The following WWOX variants were observed in gnomAD, a reference collection of about 807,000 sequenced individuals.
WWOX encodes the protein WW domain containing oxidoreductase, also known as WW domain-containing oxidoreductase.
A neutral mutation model predicts 46.2 loss-of-function variants in WWOX; 69 were observed. That is an observed-to-expected ratio of 1.49 (90% CI 1.23 to 1.82). The LOEUF (loss-of-function observed/expected upper bound fraction) is 1.82. Ranked by LOEUF, WWOX falls within the 40% of genes most tolerant of loss-of-function variation. The probability of loss-of-function intolerance (pLI) is 0.00; values close to 1 mark genes in which losing one functional copy is unlikely to be tolerated. For synonymous variants in WWOX, 359 were observed against 202.6 expected (o/e 1.77, Z -6.56); for missense variants, 919 against 542.6 (o/e 1.69, Z -6.89).
At chr16:78,737,035 A>G (rs1047895189) in intron 8 of WWOX, among the ~76,000 whole-genome samples, 4 of 151,972 alleles carry the variant, frequency 2.6e-5, no homozygotes, top group African/African-American at 4.8e-5. Flanking sequence ...AAATAATTAC[A>G]TTTAGTGGGT....
chr16:78,990,452 G>A lies in WWOX; in HGVS notation c.1057-221156G>A, dbSNP rs575289837. Among the ~76,000 whole-genome samples the A allele has an allele frequency of 4.6e-5, 7 of 152,208 alleles. No homozygotes were observed. The East Asian group carries it at 1.2e-3, about 25-fold the overall frequency. On this transcript the variant is annotated intron_variant, in intron 8 of 8. Coordinates refer to ENST00000566780, the MANE Select transcript of WWOX (RefSeq NM_016373.4). ...TAGCTTCAGTGGATTTCCAGAGTCC[G>A]GAGCTACTAAAGGTCAACAGCTGTG...
chr16:79,149,745 C>T (rs1470460865), intron 8 of WWOX, among the ~76,000 whole-genome samples: 4 of 152,224 alleles, frequency 2.6e-5, no homozygotes, highest in African/African-American at 4.8e-5. Context: ...CAGTGGGTTA[C>T]AGCAGGAGAC....
intron 8 of WWOX, among the ~76,000 whole-genome samples, chr16:78,662,314 G>T (rs895564194): frequency 2.6e-5 from 4 of 152,116 alleles, no homozygotes; most frequent in African/African-American, 9.7e-5. Context: ...TGAGAGTGTT[G>T]GTCAGCATTT....
intron 8 of WWOX, among the ~76,000 whole-genome samples, chr16:79,002,512 C>G (rs190744737): frequency 1.3e-5 from 2 of 152,100 alleles, no homozygotes; most frequent in Non-Finnish European, 2.9e-5. Context: ...TGTGAGCCAC[C>G]GCACCCGGCC....
At chr16:78,722,449 A>C (rs1181048761) in intron 8 of WWOX, among the ~76,000 whole-genome samples, 1 of 152,188 alleles carries the variant, frequency 6.6e-6, no homozygotes, top group Non-Finnish European at 1.5e-5. Context: ...GTTGTCAAGT[A>C]CTTGGCATAG....
chr16:78,321,506 G>C (rs189561768), intron 5 of WWOX, among the ~76,000 whole-genome samples: 5 of 151,482 alleles, frequency 3.3e-5, no homozygotes, highest in Non-Finnish European at 7.4e-5. Flanking sequence ...ACTTGGAGTG[G>C]ATTCGTAGTC....
Position 78,593,192 on chromosome 16 carries a change from G to A in WWOX, c.1056+160440G>A, listed in dbSNP as rs527801996. ...TGGAGTGTATCCTGATTCTTTTGAGGATCACTTGATCCTGATTTTTTTTTT... is the reference window on the plus strand; with the variant it reads ...TGGAGTGTATCCTGATTCTTTTGAGAATCACTTGATCCTGATTTTTTTTTT... On this transcript the variant is annotated intron_variant, in intron 8 of 8. Transcript: ENST00000566780. Among the ~76,000 whole-genome samples, 772 of 144,900 alleles carry A rather than the reference G, an allele frequency of 5.3e-3. 1 individual carries two copies. The highest frequency in any genetic ancestry group is 0.011 in the Middle Eastern group (3 of 276).
chr16:78,434,279 G>A (rs56063633), intron 8 of WWOX, among the ~76,000 whole-genome samples: 2 of 152,160 alleles, frequency 1.3e-5, no homozygotes, highest in African/African-American at 4.8e-5. Context: ...CCATGCCGCA[G>A]GGTGGGATTG....
intron 8 of WWOX, among the ~76,000 whole-genome samples, chr16:79,008,470 A>C (rs886154703): frequency 4.6e-5 from 7 of 152,154 alleles, no homozygotes; most frequent in African/African-American, 1.7e-4. Flanking sequence ...TTATCCCATC[A>C]TATTCACAGT....
chr16:78,278,500 T>A (rs2079618278), intron 5 of WWOX: 4 of 1,188,076 alleles, frequency 3.4e-6, no homozygotes, highest in Admixed American at 5.0e-5. Context: ...TTGAATTTGT[T>A]AATTAATTAG....
intron 8 of WWOX, among the ~76,000 whole-genome samples, chr16:78,919,689 T>G (rs1390962836): frequency 1.3e-5 from 2 of 151,912 alleles, no homozygotes; most frequent in Non-Finnish European, 2.9e-5. Flanking sequence ...GGCTAATTTT[T>G]GTATTTTTAG....
chr16:78,774,352 G>C (rs986569049), intron 8 of WWOX, among the ~76,000 whole-genome samples: 2 of 152,158 alleles, frequency 1.3e-5, no homozygotes, highest in African/African-American at 4.8e-5. Flanking sequence ...AGTGAGCCGA[G>C]ATCGCGCCAC....
chr16:79,073,465 C>T (rs1031973049), intron 8 of WWOX, among the ~76,000 whole-genome samples: 1 of 152,106 alleles, frequency 6.6e-6, no homozygotes, highest in Non-Finnish European at 1.5e-5. Context: ...CAAGCATGAG[C>T]CACCGCGCCT....
chr16:78,293,802 C>G, intron 5 of WWOX, among the ~76,000 whole-genome samples: 1 of 151,762 alleles, frequency 6.6e-6, no homozygotes, highest in South Asian at 2.1e-4. Flanking sequence ...ATGGTGAAAC[C>G]CTGTCTCTAC....
chr16:78,609,730 T>A (rs140071569), intron 8 of WWOX, among the ~76,000 whole-genome samples: 1 of 152,324 alleles, frequency 6.6e-6, no homozygotes, highest in East Asian at 1.9e-4. Flanking sequence ...AAATATAGTT[T>A]CGTTTGGAAA....
chr16:79,072,449 C>A (rs538492252), intron 8 of WWOX, among the ~76,000 whole-genome samples: 1 of 152,312 alleles, frequency 6.6e-6, no homozygotes, highest in East Asian at 1.9e-4. Flanking sequence ...TACTTTGCAA[C>A]ATAGACTTGA....
chr16:78,579,134 TG>T (rs2044981842), intron 8 of WWOX, among the ~76,000 whole-genome samples: 1 of 152,336 alleles, frequency 6.6e-6, no homozygotes, highest in African/African-American at 2.4e-5. Context: ...CTAGTTATTG[TG>T]GGTGTTAAAA....
chr16:79,069,981 C>G (rs1193049776), intron 8 of WWOX, among the ~76,000 whole-genome samples: 3 of 152,212 alleles, frequency 2.0e-5, no homozygotes, highest in African/African-American at 7.2e-5. Flanking sequence ...AATTAGTATT[C>G]AAGCATTTAG....
At chr16:78,384,353 G>T (rs898880266) in intron 5 of WWOX, among the ~76,000 whole-genome samples, 1 of 152,168 alleles carries the variant, frequency 6.6e-6, no homozygotes, top group Non-Finnish European at 1.5e-5. Flanking sequence ...CACTTTGTTT[G>T]CTGACTCTGA....
Sources: allele counts gnomAD v4.1 joint callset (sites outside exome capture counted in the v4.1 genomes callset), GRCh38; gene constraint gnomAD v4.1.1; transcripts MANE v1.5; gene names NCBI Gene and HGNC (gene_info 2026-07-23, HGNC 2026-07-21).